The following TUBA4A variants were observed in gnomAD, a reference collection of about 807,000 sequenced individuals.
The protein encoded by TUBA4A is tubulin alpha-4A chain.
A neutral mutation model predicts 34.3 loss-of-function variants in TUBA4A; 23 were observed. The observed-to-expected ratio is 0.67, with a 90% CI of 0.48 to 0.95. TUBA4A has a LOEUF of 0.95. TUBA4A is among the 40% of genes least tolerant of loss of function. TUBA4A has a pLI of 0.00. For synonymous variants in TUBA4A, 216 were observed against 230.5 expected (o/e 0.94, Z 0.57); for missense variants, 279 against 599.0 (o/e 0.47, Z 5.58).
In TUBA4A at chr2:219,250,169, G is replaced by T; in HGVS notation, c.*183C>A. The T allele has an allele frequency of 1.1e-6, 1 of 877,254 alleles. No individual in the cohort carries two copies. Among genetic ancestry groups the T allele is most frequent in the Non-Finnish European group, 1.8e-6 (1 of 561,552 alleles). 54.3% of individuals were successfully genotyped at this position (877,254 alleles called of 1,614,324 possible). On this transcript the variant is annotated 3_prime_UTR_variant, in exon 4 of 4. Coordinates refer to ENST00000248437, the MANE Select transcript of TUBA4A (RefSeq NM_006000.3). This position sits in a 1 kb window ranked among gnomAD's most constrained non-coding sequence, Gnocchi z 8.4. ...TCCTGGGCCTGGCAAGAACCCCTTT[G>T]CAGGTCTCACCTTCAGCGATGGAAG...
chr2:219,253,772 TC>T lies in TUBA4A; in HGVS notation c.3+83del, dbSNP rs45617738. On this transcript the variant is annotated intron_variant, in intron 1 of 3. Transcript: ENST00000248437. ...GGAGACCCGGAACGCCCGGTGGAGGTCCCCGAGCATGCCTGGAAGAAGTGTC... is the reference window on the plus strand; with the variant it reads ...GGAGACCCGGAACGCCCGGTGGAGGTCCCGAGCATGCCTGGAAGAAGTGTC... The T allele has an allele frequency of 2.3e-3, 3,343 of 1,478,208 alleles. 61 individuals carry two copies. The African/African-American group carries it at 0.037, about 16-fold the overall frequency. The allele number at this position is 1,478,208 out of a possible 1,614,324, so 91.6% of individuals were successfully genotyped here. A position where few individuals can be genotyped will look rare whatever the true frequency, so the allele number is the denominator to read the frequency against.
At position 219,250,049 on chromosome 2, in the gene TUBA4A, C is replaced by T. The variant is rs541429892; in HGVS notation, c.*303G>A. 1.4e-5 allele frequency: 5 copies of T among 346,144 alleles called. No individual in the cohort carries two copies. In the Admixed American group the frequency reaches 2.2e-4, roughly 15 times the overall value. 21.4% of individuals were successfully genotyped at this position (346,144 alleles called of 1,614,324 possible). ...CCTACTTGGAAAGGAGCTGAAGACT[C>T]ATCCTTCAACAGTTTGTGCCTGGAT... On this transcript the variant is annotated 3_prime_UTR_variant, in exon 4 of 4. Coordinates refer to ENST00000248437, the MANE Select transcript of TUBA4A (RefSeq NM_006000.3). The surrounding 1 kb of genome is among the most constrained non-coding windows in gnomAD (Gnocchi z 8.4).
intron 1 of TUBA4A, chr2:219,253,132 C>T: frequency 6.6e-7 from 1 of 1,505,472 alleles, no homozygotes; most frequent in South Asian, 1.2e-5. Flanking sequence ...CAGCCCAAAG[C>T]GGGGATTGGG....
chr2:219,252,751 T>TCCACCCCCGCACCCTGGGTGTCTTCA lies in TUBA4A; in HGVS notation c.4-547_4-522dup. On this transcript the variant is annotated intron_variant, in intron 1 of 3. Coordinates refer to ENST00000248437, the MANE Select transcript of TUBA4A (RefSeq NM_006000.3). This position sits in a 1 kb window ranked among gnomAD's most constrained non-coding sequence, Gnocchi z 4.1. ...ATCCCATCTGGCTCCTCTCCCCACC[T>TCCACCCCCGCACCCTGGGTGTCTTCA]CCACCCCCGCACCCTGGGTGTCTTC... 6.4e-6 allele frequency: 3 copies of TCCACCCCCGCACCCTGGGTGTCTTCA among 470,492 alleles called. No individual in the cohort carries two copies. The highest frequency in any genetic ancestry group is 4.7e-5 in the South Asian group (3 of 64,466). 29.1% of individuals were successfully genotyped at this position (470,492 alleles called of 1,614,324 possible).
chr2:219,251,419 CAG>C lies in TUBA4A; in HGVS notation c.376-98_376-97del. ...ATAAAGCGTAAGATACATCAGCAGT[CAG>C]GGCAAATACTGAGGATGCCATAGCA... On this transcript the variant is annotated intron_variant, in intron 3 of 3. Transcript: ENST00000248437. This position sits in a 1 kb window ranked among gnomAD's most constrained non-coding sequence, Gnocchi z 6.1. 6.5e-7 allele frequency: 1 copy of C among 1,537,426 alleles called. No individual in the cohort carries two copies. Among genetic ancestry groups the C allele is most frequent in the Non-Finnish European group, 8.8e-7 (1 of 1,139,540 alleles).
intron 1 of TUBA4A, chr2:219,253,100 TG>T: frequency 7.0e-7 from 1 of 1,429,152 alleles, no homozygotes; most frequent in Non-Finnish European, 9.5e-7. Context: ...GCTCTCCCTC[TG>T]GAGTCTTTAC....
chr2:219,250,124 A>T lies in TUBA4A; in HGVS notation c.*228T>A. On this transcript the variant is annotated 3_prime_UTR_variant, in exon 4 of 4. Transcript: ENST00000248437. This position sits in a 1 kb window ranked among gnomAD's most constrained non-coding sequence, Gnocchi z 8.4. ...CTGAGTAACCCTAGGACTTCAATTT[A>T]AAGTCCCTGGGGTTATGCTTCCTGG... 2 of 638,568 alleles carry T rather than the reference A, an allele frequency of 3.1e-6. No homozygotes were observed. Among genetic ancestry groups the T allele is most frequent in the Non-Finnish European group, 5.4e-6 (2 of 370,248 alleles). The allele number at this position is 638,568 out of a possible 1,614,324, so 39.6% of individuals were successfully genotyped here.
At chr2:219,253,835 C>A in intron 1 of TUBA4A, 21 bp downstream of exon 1, 1 of 1,517,598 alleles carries the variant, frequency 6.6e-7, no homozygotes. Flanking sequence ...ACAGGCGCGA[C>A]CCCGGCCGGG....
At position 219,251,795 on chromosome 2, in the gene TUBA4A, G is replaced by T; in HGVS notation, c.227-82C>A. ...GGTAGCTGTGGCCAGATGCATGGAA[G>T]GACTCATCCTCCTGCCAGCCTGAGA... On this transcript the variant is annotated intron_variant, in intron 2 of 3. Coordinates refer to ENST00000248437, the MANE Select transcript of TUBA4A (RefSeq NM_006000.3). This position sits in a 1 kb window ranked among gnomAD's most constrained non-coding sequence, Gnocchi z 6.1. 1 of 1,522,824 alleles carries T rather than the reference G, an allele frequency of 6.6e-7. No individual in the cohort carries two copies. Among genetic ancestry groups the T allele is most frequent in the Non-Finnish European group, 8.9e-7 (1 of 1,127,302 alleles). 94.3% of individuals were successfully genotyped at this position (1,522,824 alleles called of 1,614,324 possible). A position where few individuals can be genotyped will look rare whatever the true frequency, so the allele number is the denominator to read the frequency against.
In TUBA4A at chr2:219,251,940, C is replaced by T. The variant is rs1429013045; in HGVS notation, c.226+68G>A. The T allele has an allele frequency of 5.9e-6, 9 of 1,523,348 alleles. No individual in the cohort carries two copies. The highest frequency in any genetic ancestry group is 1.8e-5 in the Admixed American group (1 of 56,618). The allele number at this position is 1,523,348 out of a possible 1,614,324, so 94.4% of individuals were successfully genotyped here. A position where few individuals can be genotyped will look rare whatever the true frequency, so the allele number is the denominator to read the frequency against. On this transcript the variant is annotated intron_variant, in intron 2 of 3. Coordinates refer to ENST00000248437, the MANE Select transcript of TUBA4A (RefSeq NM_006000.3). This position sits in a 1 kb window ranked among gnomAD's most constrained non-coding sequence, Gnocchi z 6.1. ...GCTAGGAATGCCTGGTCTAAATACCCTCTCTCTCCAGGGAGAAGCTTTGAG... is the reference window on the plus strand; with the variant it reads ...GCTAGGAATGCCTGGTCTAAATACCTTCTCTCTCCAGGGAGAAGCTTTGAG...
rs1206497517 is a variant in TUBA4A, at chr2:219,251,676, G to A, written c.264C>T (p.His88=). 6.2e-7 allele frequency: 1 copy of A among 1,614,110 alleles called. No individual in the cohort carries two copies. Among genetic ancestry groups the A allele is most frequent in the East Asian group, 2.2e-5 (1 of 44,876 alleles). Residue 88 remains histidine, a synonymous_variant, in exon 3 of 4, where the codon CAC becomes CAT. Coordinates refer to ENST00000248437, the MANE Select transcript of TUBA4A (RefSeq NM_006000.3). The surrounding 1 kb of genome is among the most constrained non-coding windows in gnomAD (Gnocchi z 6.1). ...IRNGPYRQLF[H]PEQLITGKED... The stretch of plus-strand genomic sequence containing the variant: ...CTTTCCCAGTGATGAGCTGCTCTGG[G>A]TGGAAGAGCTGTCGGTATGGGCCAT...
chr2:219,252,171 C>CCAG lies in TUBA4A; in HGVS notation c.60_62dup (p.Cys20dup). The CCAG allele has an allele frequency of 6.2e-7, 1 of 1,614,184 alleles. No individual in the cohort carries two copies. The highest frequency in any genetic ancestry group is 1.1e-5 in the South Asian group (1 of 91,084). The stretch of plus-strand genomic sequence containing the variant: ...TCCCATGTTCCAAGCAATAGAGCTC[C>CCAG]CAGCAGGCATTGCCCATCTGGACAC... On this transcript the variant is annotated inframe_insertion, in exon 2 of 4. Coordinates refer to ENST00000248437, the MANE Select transcript of TUBA4A (RefSeq NM_006000.3). The surrounding 1 kb of genome is among the most constrained non-coding windows in gnomAD (Gnocchi z 4.1).
rs541456980 is a variant in TUBA4A, at chr2:219,253,267, G to T, written c.3+589C>A. ...TGTCTCTGCCCATCCGCGCACCCGG[G>T]CTTCGGCTGGAGAGGGCCAGCTCGC... On this transcript the variant is annotated intron_variant, in intron 1 of 3. Transcript: ENST00000248437. The T allele has an allele frequency of 1.1e-5, 16 of 1,493,792 alleles. No homozygotes were observed. The South Asian group carries it at 1.8e-4, about 17-fold the overall frequency. 92.5% of individuals were successfully genotyped at this position (1,493,792 alleles called of 1,614,324 possible).
Position 219,252,371 on chromosome 2 carries a change from GA to G in TUBA4A, c.4-142del, listed in dbSNP as rs1383201869. 1.2e-6 allele frequency: 1 copy of G among 838,142 alleles called. No homozygotes were observed. The highest frequency in any genetic ancestry group is 2.7e-5 in the East Asian group (1 of 37,200). 51.9% of individuals were successfully genotyped at this position (838,142 alleles called of 1,614,324 possible). A position where few individuals can be genotyped will look rare whatever the true frequency, so the allele number is the denominator to read the frequency against. On this transcript the variant is annotated intron_variant, in intron 1 of 3. Coordinates refer to ENST00000248437, the MANE Select transcript of TUBA4A (RefSeq NM_006000.3). The surrounding 1 kb of genome is among the most constrained non-coding windows in gnomAD (Gnocchi z 4.1). The stretch of plus-strand genomic sequence containing the variant: ...GAGGGTTGGGGCTGGGCAGAGGTGA[GA>G]AGAGAGTAGCAGCCTGCCCGGGCTC...
Position 219,253,887 on chromosome 2 carries a change from G to C in TUBA4A, c.-29C>G, listed in dbSNP as rs2125071872. On this transcript the variant is annotated 5_prime_UTR_variant, in exon 1 of 4. Coordinates refer to ENST00000248437, the MANE Select transcript of TUBA4A (RefSeq NM_006000.3). ...GAGTCCGGGCGGTGCGTCTCACGTT[G>C]AGTCGGGGTGACAGGTCTCAGTGAG... is the stretch of plus-strand genomic sequence containing the variant. 1.4e-6 allele frequency: 2 copies of C among 1,433,902 alleles called. No individual in the cohort carries two copies. The highest frequency in any genetic ancestry group is 1.5e-5 in the South Asian group (1 of 66,072). 88.8% of individuals were successfully genotyped at this position (1,433,902 alleles called of 1,614,324 possible).
In TUBA4A at chr2:219,252,808, G is replaced by A. The variant is rs949017389; in HGVS notation, c.4-578C>T. 2.1e-6 allele frequency: 1 copy of A among 471,796 alleles called. No individual in the cohort carries two copies. Among genetic ancestry groups the A allele is most frequent in the Admixed American group, 2.3e-5 (1 of 42,558 alleles). 29.2% of individuals were successfully genotyped at this position (471,796 alleles called of 1,614,324 possible). A position where few individuals can be genotyped will look rare whatever the true frequency, so the allele number is the denominator to read the frequency against. On this transcript the variant is annotated intron_variant, in intron 1 of 3. Transcript: ENST00000248437. This position sits in a 1 kb window ranked among gnomAD's most constrained non-coding sequence, Gnocchi z 4.1. ...TTCATCTCCCGTGTCAGCCCGCACGGAAATAGCGGCGGTAATGCTTGTAAG... is the reference window on the plus strand; with the variant it reads ...TTCATCTCCCGTGTCAGCCCGCACGAAAATAGCGGCGGTAATGCTTGTAAG...
Position 219,252,871 on chromosome 2 carries a change from C to T in TUBA4A, c.4-641G>A. On this transcript the variant is annotated intron_variant, in intron 1 of 3. Transcript: ENST00000248437. The surrounding 1 kb of genome is among the most constrained non-coding windows in gnomAD (Gnocchi z 4.1). ...GGGCCAGCAATAAGGTTTGAGGGTACTGGGGCGCTCACTGCCTTAGGCTCC... is the reference window on the plus strand; with the variant it reads ...GGGCCAGCAATAAGGTTTGAGGGTATTGGGGCGCTCACTGCCTTAGGCTCC... 2.1e-6 allele frequency: 1 copy of T among 472,098 alleles called. No homozygotes were observed. The highest frequency in any genetic ancestry group is 4.4e-6 in the Non-Finnish European group (1 of 227,990). 29.2% of individuals were successfully genotyped at this position (472,098 alleles called of 1,614,324 possible).
chr2:219,253,451 A>G (rs1257947045), intron 1 of TUBA4A: 3 of 1,469,624 alleles, frequency 2.0e-6, no homozygotes. Flanking sequence ...TCTAGCGCCA[A>G]GCACGTGCTC....
rs756888946 is a variant in TUBA4A, at chr2:219,251,689, C to T, written c.251G>A (p.Arg84Gln). 4.3e-6 allele frequency: 7 copies of T among 1,613,736 alleles called. No individual in the cohort carries two copies. The highest frequency in any genetic ancestry group is 3.3e-5 in the Admixed American group (2 of 59,980). The change falls in exon 3 of 4, where the codon CGA becomes CAA. Residue 84 changes from arginine to glutamine, a missense_variant. By Grantham distance (43) the Arg-to-Gln change is conservative. This residue lies in a region of TUBA4A where 98 missense variants were observed against 171.1 expected (regional missense o/e 0.57). Coordinates refer to ENST00000248437, the MANE Select transcript of TUBA4A (RefSeq NM_006000.3). The surrounding 1 kb of genome is among the most constrained non-coding windows in gnomAD (Gnocchi z 6.1). ...VIDEIRNGPY[R>Q]QLFHPEQLIT... ...GAGCTGCTCTGGGTGGAAGAGCTGT[C>T]GGTATGGGCCATTTCGGATCTCATC...
Sources: allele counts gnomAD v4.1 joint callset, GRCh38; gene constraint gnomAD v4.1.1; regional missense constraint gnomAD v4.1.1; non-coding constraint Gnocchi (gnomAD v3.1); transcripts MANE v1.5; gene names NCBI Gene and HGNC (gene_info 2026-07-23, HGNC 2026-07-21).